PTPRT: variants seen among roughly 807,000 people sequenced by gnomAD.
The protein encoded by PTPRT is receptor-type tyrosine-protein phosphatase T.
PTPRT carries 56 observed loss-of-function variants against 176.8 expected under a neutral mutation model. The ratio of observed to expected loss-of-function variants is 0.32; its 90% confidence interval spans 0.26 to 0.40. The LOEUF is 0.40. Among genes scored for constraint, PTPRT ranks in the 10% least tolerant of loss-of-function variants. The pLI, the probability that PTPRT is intolerant of heterozygous loss-of-function variation, is 1.00. For missense variants in PTPRT, 1,540 were observed against 1,908.2 expected (o/e 0.81, Z 3.60); for synonymous variants, 783 against 739.0 (o/e 1.06, Z -0.96).
At chr20:42,845,857 C>T (rs911297042) in intron 2 of PTPRT, among the ~76,000 whole-genome samples, 1 of 152,214 alleles carries the variant, frequency 6.6e-6, no homozygotes, top group African/African-American at 2.4e-5. Context: ...AATCAGACCT[C>T]CAGCTGGTCC....
At chr20:42,624,410 AAGGTT>A (rs2074255854) in intron 7 of PTPRT, among the ~76,000 whole-genome samples, 1 of 152,220 alleles carries the variant, frequency 6.6e-6, no homozygotes, top group Non-Finnish European at 1.5e-5. Flanking sequence ...TCAGGAACAT[AAGGTT>A]AGAACAGCAT....
intron 7 of PTPRT, among the ~76,000 whole-genome samples, chr20:42,474,229 T>A (rs539424719): frequency 6.6e-6 from 1 of 152,238 alleles, no homozygotes; most frequent in East Asian, 1.9e-4. Flanking sequence ...TAGGTTTCCA[T>A]CATTGCTCCA....
chr20:43,028,498 T>C (rs1457313074), intron 1 of PTPRT, among the ~76,000 whole-genome samples: 2 of 152,204 alleles, frequency 1.3e-5, no homozygotes, highest in African/African-American at 4.8e-5. Flanking sequence ...ATCCTCATCT[T>C]AGGGAACTGA....
the PTPRT span, among the ~76,000 whole-genome samples, chr20:42,058,501 A>G: frequency 1.3e-5 from 2 of 152,190 alleles, no homozygotes; most frequent in Admixed American, 6.5e-5. Flanking sequence ...CAAGCCCCTC[A>G]CCGGCTCACA....
intron 1 of PTPRT, among the ~76,000 whole-genome samples, chr20:43,028,890 T>C (rs967104675): frequency 2.6e-5 from 4 of 152,148 alleles, no homozygotes; most frequent in Non-Finnish European, 5.9e-5. Flanking sequence ...AGCGATGGAA[T>C]GGGACAGTCT....
intron 7 of PTPRT, among the ~76,000 whole-genome samples, chr20:42,516,854 C>A (rs555159331): frequency 6.6e-6 from 1 of 152,118 alleles, no homozygotes; most frequent in Non-Finnish European, 1.5e-5. Flanking sequence ...ATTTTATCTA[C>A]ATAATAAGCT....
At chr20:42,825,961 T>C (rs1273670352) in intron 2 of PTPRT, among the ~76,000 whole-genome samples, 1 of 151,964 alleles carries the variant, frequency 6.6e-6, no homozygotes, top group Non-Finnish European at 1.5e-5. Context: ...CAAAATTACC[T>C]GAAAATCTGT....
At chr20:42,828,157 G>A (rs208232) in intron 2 of PTPRT, among the ~76,000 whole-genome samples, 104,495 of 152,072 alleles carry the variant, frequency 0.69, 36,121 homozygotes, top group East Asian at 0.82. Context: ...TGATAGTCAT[G>A]TGAACAATGA....
At chr20:42,349,245 C>T (rs181985895) in intron 11 of PTPRT, among the ~76,000 whole-genome samples, 2 of 152,198 alleles carry the variant, frequency 1.3e-5, no homozygotes. Flanking sequence ...CTCAAACACA[C>T]TCCCATTCTC....
At chr20:42,687,313 C>T (rs557163108) in intron 6 of PTPRT, 1 of 152,294 alleles carries the variant, frequency 6.6e-6, no homozygotes, top group South Asian at 2.1e-4. Flanking sequence ...AATTTAAGAG[C>T]TCAGCCTCAG....
At chr20:42,562,441 C>T (rs901594478) in intron 7 of PTPRT, among the ~76,000 whole-genome samples, 2 of 152,242 alleles carry the variant, frequency 1.3e-5, no homozygotes, top group East Asian at 1.9e-4. Flanking sequence ...ATAGCCAGTC[C>T]CTTTCTGTTG....
At chr20:43,094,375 C>T (rs1227165901) in intron 1 of PTPRT, among the ~76,000 whole-genome samples, 6 of 149,302 alleles carry the variant, frequency 4.0e-5, no homozygotes, top group African/African-American at 9.8e-5. Context: ...CATGAGCCAC[C>T]GCACCCGGCC....
chr20:42,130,485 G>A (rs751420022), intron 18 of PTPRT, among the ~76,000 whole-genome samples: 4 of 152,188 alleles, frequency 2.6e-5, no homozygotes, highest in Admixed American at 6.5e-5. Context: ...CCCAGTGCAT[G>A]TCATTGGCTA....
intron 16 of PTPRT, among the ~76,000 whole-genome samples, chr20:42,169,324 A>G (rs529451769): frequency 6.6e-6 from 1 of 152,228 alleles, no homozygotes; most frequent in East Asian, 1.9e-4. Context: ...ACTGTTTCTG[A>G]TAAAGAGATC....
intron 11 of PTPRT, among the ~76,000 whole-genome samples, chr20:42,346,025 G>C (rs561379474): frequency 1.3e-5 from 2 of 152,134 alleles, no homozygotes; most frequent in Admixed American, 6.5e-5. Context: ...GCAGTTCAGT[G>C]GGGGGTGGAT....
chr20:42,043,630 T>C, the PTPRT span, among the ~76,000 whole-genome samples: 20 of 152,296 alleles, frequency 1.3e-4, no homozygotes, highest in Non-Finnish European at 1.3e-4. Context: ...AGAGTCCCCT[T>C]GCAGAGCCGC....
At chr20:43,070,719 G>A (rs1429773344) in intron 1 of PTPRT, among the ~76,000 whole-genome samples, 4 of 151,996 alleles carry the variant, frequency 2.6e-5, no homozygotes, top group East Asian at 1.9e-4. Flanking sequence ...GCAAACTCTC[G>A]CAAGGATAAA....
At chr20:42,093,597 C>T (rs973728846) in intron 27 of PTPRT, among the ~76,000 whole-genome samples, 2 of 152,208 alleles carry the variant, frequency 1.3e-5, no homozygotes, top group Admixed American at 6.5e-5. Context: ...CTGCAGCTTA[C>T]AGGTAGCCCT....
chr20:42,829,507 C>A (rs543510259), intron 2 of PTPRT, among the ~76,000 whole-genome samples: 2 of 152,236 alleles, frequency 1.3e-5, no homozygotes, highest in Non-Finnish European at 2.9e-5. Context: ...GTGGGTGGAT[C>A]ACCTGAGGTC....
Sources: gnomAD v4.1 joint callset for allele counts (sites outside exome capture counted in the v4.1 genomes callset) on GRCh38, gnomAD v4.1.1 for gene constraint, MANE v1.5 for transcripts, NCBI Gene and HGNC (gene_info 2026-07-23, HGNC 2026-07-21) for gene names.